The following RSPO2 variants were observed in gnomAD, a reference collection of about 807,000 sequenced individuals.
The protein encoded by RSPO2 is R-spondin 2, also known as R-spondin-2.
A neutral mutation model predicts 30.9 loss-of-function variants in RSPO2; 14 were observed. The ratio of observed to expected loss-of-function variants is 0.45; its 90% CI spans 0.30 to 0.71. RSPO2 has a LOEUF of 0.71. Among genes scored for constraint, RSPO2 ranks in the 30% least tolerant of loss-of-function variants. RSPO2 has a pLI of 0.08. For missense variants in RSPO2, 264 were observed against 301.9 expected (o/e 0.87, Z 0.93); for synonymous variants, 107 against 96.4 (o/e 1.11, Z -0.64).
At chr8:107,949,947 A>G (rs2453419) in intron 5 of RSPO2, among the ~76,000 whole-genome samples, 81,437 of 152,092 alleles carry the variant, frequency 0.54, 23,930 homozygotes, top group East Asian at 0.7. Flanking sequence ...CCTTCATCCA[A>G]GGATAAACGC....
intron 5 of RSPO2, among the ~76,000 whole-genome samples, chr8:107,910,280 T>G (rs1811782000): frequency 6.6e-6 from 1 of 152,250 alleles, no homozygotes. Context: ...AAGACCATTG[T>G]CATATGGCAG....
intron 5 of RSPO2, among the ~76,000 whole-genome samples, chr8:107,925,207 G>A (rs184673771): frequency 1.4e-4 from 22 of 151,774 alleles, no homozygotes; most frequent in East Asian, 7.8e-4. Flanking sequence ...AGTGTACACC[G>A]CTCAGGTGAC....
rs182997996 is a variant in RSPO2 at position 107,916,038 on chromosome 8, A to G, written c.617-14848T>C. ...AAGAAACTGGCAAATGAAAAACTGT[A>G]CAACTACTATATCTTCTGTCTATTT... On this transcript the variant is annotated intron_variant, in intron 5 of 5. Transcript: ENST00000276659. Among the ~76,000 whole-genome samples, 254 of 152,244 alleles carry G rather than the reference A, an allele frequency of 1.7e-3. 2 individuals are homozygous for G. The highest frequency in any genetic ancestry group is 6.0e-3 in the African/African-American group (248 of 41,528).
intron 2 of RSPO2, among the ~76,000 whole-genome samples, chr8:107,999,152 G>A (rs576232951): frequency 1.3e-5 from 2 of 151,920 alleles, no homozygotes; most frequent in South Asian, 2.1e-4. Flanking sequence ...TTAACCTCCC[G>A]AGAAGCATTA....
chr8:108,010,060 A>G lies in RSPO2; in HGVS notation c.95-20816T>C, dbSNP rs189257962. 1.7e-3 allele frequency among the ~76,000 whole-genome samples: 247 copies of G among 144,566 alleles called. 1 individual carries two copies. The highest frequency in any genetic ancestry group is 5.4e-3 in the African/African-American group (219 of 40,526). 94.8% of individuals were successfully genotyped at this position (144,566 alleles called of 152,430 possible). On this transcript the variant is annotated intron_variant, in intron 2 of 5. Transcript: ENST00000276659. ...TAAGGCCCTGTCTCAGAAAATAAAA[A>G]TAAAAAAAAAAATTAAGAATTAAAA...
intron 2 of RSPO2, among the ~76,000 whole-genome samples, chr8:108,074,010 G>A (rs1812932861): frequency 6.6e-6 from 1 of 152,140 alleles, no homozygotes; most frequent in Non-Finnish European, 1.5e-5. Flanking sequence ...GGACCTCTTT[G>A]AGACTTTAGT....
At chr8:107,967,480 G>T (rs1209544327) in intron 3 of RSPO2, among the ~76,000 whole-genome samples, 1 of 152,002 alleles carries the variant, frequency 6.6e-6, no homozygotes, top group African/African-American at 2.4e-5. Flanking sequence ...ACATTTTTTT[G>T]TAATACAGTC....
At chr8:107,928,619 A>T (rs1174516122) in intron 5 of RSPO2, among the ~76,000 whole-genome samples, 4 of 152,184 alleles carry the variant, frequency 2.6e-5, no homozygotes, top group African/African-American at 7.2e-5. Context: ...AATCATCTTA[A>T]TTCAGGAGAG....
intron 2 of RSPO2, among the ~76,000 whole-genome samples, chr8:108,010,917 T>C (rs1810684106): frequency 6.6e-6 from 1 of 150,888 alleles, no homozygotes; most frequent in African/African-American, 2.4e-5. Context: ...AATTCAAGTG[T>C]AGAATGTAAA....
intron 2 of RSPO2, among the ~76,000 whole-genome samples, chr8:108,018,139 G>T (rs2130604679): frequency 6.6e-6 from 1 of 152,202 alleles, no homozygotes; most frequent in Non-Finnish European, 1.5e-5. Context: ...CTTGCTAAAA[G>T]GGGACTTCAC....
At chr8:107,967,118 CCAACCTCTAG>C (rs1813832579) in intron 3 of RSPO2, among the ~76,000 whole-genome samples, 1 of 152,134 alleles carries the variant, frequency 6.6e-6, no homozygotes, top group African/African-American at 2.4e-5. Flanking sequence ...GAACATCAAG[CCAACCTCTAG>C]AAACCTCTAG....
intron 2 of RSPO2, among the ~76,000 whole-genome samples, chr8:108,048,418 T>C (rs1453214236): frequency 6.6e-6 from 1 of 151,816 alleles, no homozygotes; most frequent in African/African-American, 2.4e-5. Flanking sequence ...CTTACCCTCA[T>C]GTATTAAAAC....
intron 5 of RSPO2, among the ~76,000 whole-genome samples, chr8:107,937,151 G>GTTTTTTTTTT (rs149136012): frequency 9.3e-6 from 1 of 107,724 alleles, no homozygotes. Context: ...TCCATCTTCA[G>GTTTTTTTTTT]TTGTTTTTTT....
At chr8:107,909,259 G>GTTTTTT (rs11292252) in intron 5 of RSPO2, among the ~76,000 whole-genome samples, 13 of 91,600 alleles carry the variant, frequency 1.4e-4, no homozygotes, top group Admixed American at 3.7e-4. Context: ...TTTCCCAGTT[G>GTTTTTT]TTTTTTTTTT....
At chr8:107,925,043 T>A (rs1229913764) in intron 5 of RSPO2, among the ~76,000 whole-genome samples, 2 of 152,112 alleles carry the variant, frequency 1.3e-5, no homozygotes, top group Non-Finnish European at 2.9e-5. Flanking sequence ...CATTTATAAG[T>A]GATAACATAT....
intron 3 of RSPO2, among the ~76,000 whole-genome samples, chr8:107,967,950 T>C (rs1813865031): frequency 6.6e-6 from 1 of 152,132 alleles, no homozygotes; most frequent in Admixed American, 6.6e-5. Flanking sequence ...AGTCTCTATC[T>C]TACAGGCTTT....
At chr8:108,006,330 T>A (rs1050645395) in intron 2 of RSPO2, among the ~76,000 whole-genome samples, 1 of 151,716 alleles carries the variant, frequency 6.6e-6, no homozygotes, top group Non-Finnish European at 1.5e-5. Context: ...TCAAAAGAAA[T>A]GTGAAGGTTA....
chr8:108,071,424 TG>T (rs897947961), intron 2 of RSPO2, among the ~76,000 whole-genome samples: 5 of 152,206 alleles, frequency 3.3e-5, no homozygotes, highest in African/African-American at 1.2e-4. Context: ...ATAGTGCTTC[TG>T]GGAACGACTG....
chr8:107,953,487 T>C (rs1026170869), intron 5 of RSPO2, among the ~76,000 whole-genome samples: 6 of 152,318 alleles, frequency 3.9e-5, no homozygotes, highest in African/African-American at 1.4e-4. Flanking sequence ...TTGGAAGGGA[T>C]GGCGATGGCA....
Sources: gnomAD v4.1 joint callset for allele counts (sites outside exome capture counted in the v4.1 genomes callset) on GRCh38, gnomAD v4.1.1 for gene constraint, MANE v1.5 for transcripts, NCBI Gene and HGNC (gene_info 2026-07-23, HGNC 2026-07-21) for gene names.